Variants in LIPI observed in about 807,000 individuals in gnomAD.
LIPI encodes lipase member I.
Under a neutral mutation model 50.6 loss-of-function variants are expected in LIPI, and 59 were observed. That is an observed-to-expected ratio of 1.16 (90% CI 0.94 to 1.45). LIPI has a LOEUF of 1.45. Ranked by LOEUF, LIPI falls within the 40% of genes most tolerant of loss-of-function variation. The probability of loss-of-function intolerance (pLI) is 0.00; values close to 1 mark genes in which losing one functional copy is unlikely to be tolerated. For synonymous variants in LIPI, 203 were observed against 178.2 expected (o/e 1.14, Z -1.11); for missense variants, 586 against 536.3 (o/e 1.09, Z -0.92).
chr21:14,152,666 C>T lies in LIPI; in HGVS notation c.1025G>A (p.Ser342Asn), dbSNP rs372217079. 4.0e-6 allele frequency: 6 copies of T among 1,494,422 alleles called. No homozygotes were observed. The African/African-American group carries it at 5.5e-5, about 14-fold the overall frequency. 92.6% of individuals were successfully genotyped at this position (1,494,422 alleles called of 1,614,324 possible). Residue 342 changes from serine (S) to asparagine (N), a missense_variant, in exon 8 of 10, where the codon AGT becomes AAT. By Grantham distance (46) the Ser-to-Asn change is conservative. Coordinates refer to ENST00000681601, the MANE Select transcript of LIPI (RefSeq NM_001302998.2). ...CATAGTTTTATCTGGAACAATTATA[C>T]TGAGAACAAAATAATAGGCTACAAA... is the stretch of plus-strand genomic sequence containing the variant. ...YPFCTYYFVL[S>N]IIVPDKTMMD...
intron 1 of LIPI, among the ~76,000 whole-genome samples, chr21:14,204,111 T>C (rs1244220937): frequency 1.3e-5 from 2 of 151,942 alleles, no homozygotes; most frequent in Non-Finnish European, 1.5e-5. Context: ...AGCGAGAGCA[T>C]CAGGAAGAAT....
At chr21:14,194,192 T>C (rs1195735778) in intron 1 of LIPI, among the ~76,000 whole-genome samples, 1 of 152,160 alleles carries the variant, frequency 6.6e-6, no homozygotes, top group East Asian at 1.9e-4. Context: ...GGAACCATTG[T>C]GCATTGCTGA....
At chr21:14,125,684 G>C (rs574971943) in intron 9 of LIPI, among the ~76,000 whole-genome samples, 72 of 151,864 alleles carry the variant, frequency 4.7e-4, no homozygotes, top group African/African-American at 1.6e-3. Context: ...CAGCCTACCG[G>C]GTAGCTAGGA....
chr21:14,128,722 T>C (rs1339568663), intron 9 of LIPI, among the ~76,000 whole-genome samples: 1 of 152,120 alleles, frequency 6.6e-6, no homozygotes, highest in East Asian at 1.9e-4. Flanking sequence ...TGAAAATTCC[T>C]TGCTTACATA....
intron 3 of LIPI, among the ~76,000 whole-genome samples, chr21:14,183,157 C>T (rs2019333110): frequency 1.3e-5 from 2 of 152,158 alleles, no homozygotes; most frequent in Non-Finnish European, 2.9e-5. Context: ...ACAGAGCCCT[C>T]AGAAATAATG....
At position 14,149,420 on chromosome 21, in the gene LIPI, A is replaced by G. The variant is rs74418769; in HGVS notation, c.1118+3153T>C. Among the ~76,000 whole-genome samples the G allele has an allele frequency of 3.3e-5, 5 of 152,266 alleles. No homozygotes were observed. The East Asian group carries it at 9.7e-4, about 29-fold the overall frequency. On this transcript the variant is annotated intron_variant, in intron 8 of 9. Coordinates refer to ENST00000681601, the MANE Select transcript of LIPI (RefSeq NM_001302998.2). The stretch of plus-strand genomic sequence containing the variant: ...GAGACTTCGGTAGGAACACAGAGTT[A>G]AACCAAATCATTCCACCCCTGGCCT...
intron 7 of LIPI, among the ~76,000 whole-genome samples, chr21:14,157,589 T>G (rs145986783): frequency 2.9e-4 from 44 of 151,980 alleles, no homozygotes; most frequent in African/African-American, 1.0e-3. Flanking sequence ...AGAAAAAGTT[T>G]TGAGGCCTGG....
intron 1 of LIPI, among the ~76,000 whole-genome samples, chr21:14,199,771 A>G (rs1236800428): frequency 1.3e-5 from 2 of 152,088 alleles, no homozygotes; most frequent in Non-Finnish European, 2.9e-5. Context: ...TCATCCTGAT[A>G]CCAAAATCTG....
At chr21:14,117,922 T>C (rs917096032) in intron 9 of LIPI, among the ~76,000 whole-genome samples, 1 of 151,628 alleles carries the variant, frequency 6.6e-6, no homozygotes, top group Non-Finnish European at 1.5e-5. Flanking sequence ...AGAGGCTGGA[T>C]TTGCAAGAGG....
At chr21:14,195,443 A>G (rs2019812542) in intron 1 of LIPI, among the ~76,000 whole-genome samples, 1 of 152,142 alleles carries the variant, frequency 6.6e-6, no homozygotes, top group Non-Finnish European at 1.5e-5. Flanking sequence ...ATGGCACTAA[A>G]CCAAGTCTAG....
chr21:14,147,315 CTTT>C (rs1199890728), intron 8 of LIPI, among the ~76,000 whole-genome samples: 1 of 152,020 alleles, frequency 6.6e-6, no homozygotes, highest in Non-Finnish European at 1.5e-5. Context: ...TATGTCAAGA[CTTT>C]TTTATGAACA....
At position 14,210,538 on chromosome 21, in the gene LIPI, T is replaced by G. The variant is rs75321424; in HGVS notation, c.46+262A>C. 7.6e-3 allele frequency among the ~76,000 whole-genome samples: 1,153 copies of G among 152,132 alleles called. 10 individuals are homozygous for G. The highest frequency in any genetic ancestry group is 0.02 in the African/African-American group (818 of 41,528). ...TTTCTATTTATTCTCTAGTTACATC[T>G]TTTTTTAAAAAAAGGTTTTCTAGTT... is the stretch of plus-strand genomic sequence containing the variant. On this transcript the variant is annotated intron_variant, in intron 1 of 9. Coordinates refer to ENST00000681601, the MANE Select transcript of LIPI (RefSeq NM_001302998.2).
At chr21:14,130,054 T>A (rs2017228450) in intron 9 of LIPI, among the ~76,000 whole-genome samples, 1 of 152,118 alleles carries the variant, frequency 6.6e-6, no homozygotes, top group Non-Finnish European at 1.5e-5. Context: ...CATTTTAGGA[T>A]GGATCAACAA....
intron 1 of LIPI, among the ~76,000 whole-genome samples, chr21:14,204,004 C>G (rs1444817381): frequency 6.6e-6 from 1 of 151,916 alleles, no homozygotes; most frequent in Non-Finnish European, 1.5e-5. Context: ...CCAAATGCCA[C>G]ATGTTCTCAC....
At chr21:14,156,137 A>C (rs2018262448) in intron 7 of LIPI, among the ~76,000 whole-genome samples, 1 of 152,006 alleles carries the variant, frequency 6.6e-6, no homozygotes, top group South Asian at 2.1e-4. Flanking sequence ...AGGCCTCCCC[A>C]AATATATCCT....
At chr21:14,209,759 T>C (rs1250307932) in intron 1 of LIPI, among the ~76,000 whole-genome samples, 1 of 152,072 alleles carries the variant, frequency 6.6e-6, no homozygotes, top group Non-Finnish European at 1.5e-5. Context: ...TAAACTATGA[T>C]ATTAAAATGA....
chr21:14,153,248 T>C (rs1466685575), intron 7 of LIPI, among the ~76,000 whole-genome samples: 2 of 152,184 alleles, frequency 1.3e-5, no homozygotes, highest in Non-Finnish European at 2.9e-5. Flanking sequence ...TTCTATATAT[T>C]GCCAGGCCTG....
intron 4 of LIPI, among the ~76,000 whole-genome samples, chr21:14,177,793 G>A (rs974223839): frequency 6.6e-6 from 1 of 151,974 alleles, no homozygotes; most frequent in South Asian, 2.1e-4. Context: ...ATCAACATAT[G>A]CTTAGATTTA....
At position 14,142,683 on chromosome 21, in the gene LIPI, C is replaced by T. The variant is rs570955767; in HGVS notation, c.1295+1940G>A. 1.8e-4 allele frequency among the ~76,000 whole-genome samples: 27 copies of T among 151,442 alleles called. No individual in the cohort carries two copies. In the East Asian group the frequency reaches 3.7e-3, roughly 21 times the overall value. On this transcript the variant is annotated intron_variant, in intron 9 of 9. Transcript: ENST00000681601. ...ATTTTTTGTAGAGATAGGATTTTGC[C>T]TTGTTGCCCACGCTGGTCTCAAACT...
Sources: gnomAD v4.1 joint callset for allele counts (sites outside exome capture counted in the v4.1 genomes callset) on GRCh38, gnomAD v4.1.1 for gene constraint, MANE v1.5 for transcripts, NCBI Gene and HGNC (gene_info 2026-07-23, HGNC 2026-07-21) for gene names.